Variants in PITPNA observed in about 807,000 individuals in gnomAD.
The protein encoded by PITPNA is phosphatidylinositol transfer protein alpha isoform.
In PITPNA, 13 loss-of-function variants were observed where a neutral mutation model predicts 50.3. The observed-to-expected ratio is 0.26, with a 90% CI of 0.17 to 0.41. PITPNA has a LOEUF of 0.41. PITPNA is among the 10% of genes least tolerant of loss of function. PITPNA has a pLI of 1.00. For synonymous variants in PITPNA, 120 were observed against 119.6 expected, an observed-to-expected ratio of 1.00 and a Z score of -0.02; for missense variants, 207 against 333.4, an observed-to-expected ratio of 0.62 and a Z score of 2.95.
intron 1 of PITPNA, among the ~76,000 whole-genome samples, chr17:1,560,051 C>T (rs1032683349): frequency 6.6e-6 from 1 of 152,164 alleles, no homozygotes; most frequent in Non-Finnish European, 1.5e-5. Flanking sequence ...TTGCAGAAAT[C>T]AAATTAAACA....
Position 1,518,759 on chromosome 17 carries a change from TGAAG to T in PITPNA, c.*1798_*1801del, listed in dbSNP as rs1598400285. Reference sequence around the variant, plus strand: ...ATCTGGACTTCCCCTAGTTGATGAATGAAGGAACATCTTTAAGCACAAATATAAT... The same window carrying T: ...ATCTGGACTTCCCCTAGTTGATGAATGAACATCTTTAAGCACAAATATAAT... On this transcript the variant is annotated 3_prime_UTR_variant, in exon 12 of 12. Coordinates refer to ENST00000313486, the MANE Select transcript of PITPNA (RefSeq NM_006224.4). The T allele has an allele frequency of 6.6e-6, 1 of 152,250 alleles. No homozygotes were observed. Among genetic ancestry groups the T allele is most frequent in the East Asian group, 1.9e-4 (1 of 5,206 alleles). The allele number at this position is 152,250 out of a possible 1,614,324, so 9.4% of individuals were successfully genotyped here. A position where few individuals can be genotyped will look rare whatever the true frequency, so the allele number is the denominator to read the frequency against.
At chr17:1,543,362 G>T (rs3785967) in intron 4 of PITPNA, among the ~76,000 whole-genome samples, 82,976 of 151,354 alleles carry the variant, frequency 0.55, 22,941 homozygotes, top group East Asian at 0.69. Flanking sequence ...GCATCAGAGC[G>T]TTCTCCGGCG....
Position 1,548,306 on chromosome 17 carries a change from G to A in PITPNA, c.279C>T (p.Tyr93=). ...IHEKAWNAYP[Y]CRTVITNEYM... is the part of the protein sequence containing the mutation. ...CCCGGCTGCACTCACCGGTTCTGCA[G>A]TAGGGGTAAGCATTCCAGGCTTTCT... The change falls in exon 4 of 12, where the codon TAC becomes TAT. Residue 93 remains tyrosine (Y), a synonymous_variant. Coordinates refer to ENST00000313486, the MANE Select transcript of PITPNA (RefSeq NM_006224.4). The A allele has an allele frequency of 1.9e-6, 3 of 1,607,088 alleles. No homozygotes were observed. The highest frequency in any genetic ancestry group is 2.5e-6 in the Non-Finnish European group (3 of 1,176,848).
chr17:1,531,289 C>A (rs1479644551), intron 10 of PITPNA, among the ~76,000 whole-genome samples: 1 of 152,042 alleles, frequency 6.6e-6, no homozygotes, highest in Non-Finnish European at 1.5e-5. Flanking sequence ...AGTGACAAGC[C>A]TCCGTGAAAA....
At chr17:1,559,634 C>T (rs2075758333) in intron 1 of PITPNA, 1 of 260,432 alleles carries the variant, frequency 3.8e-6, no homozygotes, top group Non-Finnish European at 6.0e-6. Context: ...GCTGTGCCTT[C>T]CTTATGCAGC....
chr17:1,532,958 G>A (rs1051834230), intron 10 of PITPNA, among the ~76,000 whole-genome samples: 2 of 152,244 alleles, frequency 1.3e-5, no homozygotes, highest in African/African-American at 4.8e-5. Context: ...GGGTTCCAGA[G>A]GAAGAACTTC....
rs568348938 is a variant in PITPNA at position 1,561,843 on chromosome 17, C to T, written c.20+698G>A. Among the ~76,000 whole-genome samples, 5 of 152,162 alleles carry T rather than the reference C, an allele frequency of 3.3e-5. No individual in the cohort carries two copies. The South Asian group carries it at 6.2e-4, about 19-fold the overall frequency. On this transcript the variant is annotated intron_variant, in intron 1 of 11. Coordinates refer to ENST00000313486, the MANE Select transcript of PITPNA (RefSeq NM_006224.4). ...CCCGATGCCTAAGGCGGCCACTCCT[C>T]CCCATCCCCATCCCAACTCCATCGC...
chr17:1,557,116 C>T (rs2075738828), intron 2 of PITPNA, among the ~76,000 whole-genome samples: 2 of 152,116 alleles, frequency 1.3e-5, no homozygotes, highest in South Asian at 2.1e-4. Flanking sequence ...CTCCCTGGTT[C>T]CCAGGTTCCC....
intron 3 of PITPNA, among the ~76,000 whole-genome samples, chr17:1,550,229 G>C (rs974409000): frequency 3.9e-5 from 6 of 152,162 alleles, no homozygotes; most frequent in African/African-American, 1.4e-4. Flanking sequence ...CGGTCTACTG[G>C]GGCGTGTAAC....
intron 6 of PITPNA, among the ~76,000 whole-genome samples, chr17:1,540,460 T>C (rs1031407858): frequency 6.6e-6 from 1 of 152,218 alleles, no homozygotes; most frequent in African/African-American, 2.4e-5. Context: ...CCTTGTTTCA[T>C]AACTTCCATC....
chr17:1,541,430 T>C (rs559838541), intron 6 of PITPNA, 136 bp downstream of exon 6: 63 of 671,360 alleles, frequency 9.4e-5, no homozygotes, highest in South Asian at 5.8e-4. Context: ...GCTGGTAAGA[T>C]AGGTCTAGGC....
chr17:1,556,235 TTTC>T (rs1285376965), intron 2 of PITPNA, among the ~76,000 whole-genome samples: 2 of 152,216 alleles, frequency 1.3e-5, no homozygotes, highest in Non-Finnish European at 2.9e-5. Context: ...CACGTGGTAC[TTTC>T]TTGTCAATGG....
At chr17:1,539,731 C>A (rs924493538) in intron 6 of PITPNA, among the ~76,000 whole-genome samples, 1 of 152,240 alleles carries the variant, frequency 6.6e-6, no homozygotes, top group Non-Finnish European at 1.5e-5. Flanking sequence ...CAACACTGAA[C>A]CCAGCTGGAT....
chr17:1,528,294 C>A (rs749942412), intron 10 of PITPNA, among the ~76,000 whole-genome samples: 1 of 152,166 alleles, frequency 6.6e-6, no homozygotes, highest in Admixed American at 6.5e-5. Context: ...GCACACACCA[C>A]CACACCTGGC....
chr17:1,561,935 C>A (rs1274034076), intron 1 of PITPNA, among the ~76,000 whole-genome samples: 1 of 152,136 alleles, frequency 6.6e-6, no homozygotes, highest in South Asian at 2.1e-4. Flanking sequence ...TCCCCACCGC[C>A]GGGAGGCCCT....
intron 3 of PITPNA, among the ~76,000 whole-genome samples, chr17:1,551,171 G>A (rs932280969): frequency 3.9e-5 from 6 of 152,218 alleles, no homozygotes; most frequent in African/African-American, 4.8e-5. Flanking sequence ...AGTACTGCAG[G>A]GGAGCTCTGC....
chr17:1,524,343 CTTTTTT>C (rs398041515), intron 10 of PITPNA, among the ~76,000 whole-genome samples: 167 of 121,014 alleles, frequency 1.4e-3, no homozygotes, highest in African/African-American at 4.9e-3. Context: ...CGCACCTGGC[CTTTTTT>C]TTTTTTTTTT....
At chr17:1,528,119 C>T (rs1321247951) in intron 10 of PITPNA, among the ~76,000 whole-genome samples, 2 of 152,162 alleles carry the variant, frequency 1.3e-5, no homozygotes, top group Non-Finnish European at 2.9e-5. Context: ...TGAATCCAAG[C>T]GTTTCAGGCT....
chr17:1,549,245 G>GT (rs899227482), intron 3 of PITPNA, among the ~76,000 whole-genome samples: 6 of 147,162 alleles, frequency 4.1e-5, no homozygotes, highest in African/African-American at 1.2e-4. Flanking sequence ...AGAACAACAT[G>GT]TACAGTATAA....
Sources: allele counts gnomAD v4.1 joint callset (sites outside exome capture counted in the v4.1 genomes callset), GRCh38; gene constraint gnomAD v4.1.1; transcripts MANE v1.5; gene names NCBI Gene and HGNC (gene_info 2026-07-23, HGNC 2026-07-21).